The following AHCY variants were observed in gnomAD, a reference collection of about 807,000 sequenced individuals.
AHCY encodes the protein adenosylhomocysteinase, also known as S-adenosyl-L-homocysteine hydrolase.
AHCY carries 24 observed loss-of-function variants against 45.4 expected under a neutral mutation model. The ratio of observed to expected loss-of-function variants is 0.53; its 90% CI spans 0.38 to 0.74. AHCY has a LOEUF of 0.74. AHCY is among the 30% of genes least tolerant of loss of function. The probability of loss-of-function intolerance (pLI) is 0.00; values close to 1 mark genes in which losing one functional copy is unlikely to be tolerated. For missense variants in AHCY, 449 were observed against 594.1 expected (o/e 0.76, Z 2.54); for synonymous variants, 245 against 235.1 (o/e 1.04, Z -0.39).
At chr20:34,246,370 CT>C in the AHCY span, 8 of 1,466,960 alleles carry the variant, frequency 5.5e-6, no homozygotes, top group Non-Finnish European at 7.5e-6. Context: ...GAAAATTCTT[CT>C]CTAACCATTG....
the AHCY span, among the ~76,000 whole-genome samples, chr20:34,235,318 T>C: frequency 6.6e-6 from 1 of 152,148 alleles, no homozygotes; most frequent in Non-Finnish European, 1.5e-5. Context: ...CAGGCACCTG[T>C]AATCCCAGCT....
chr20:34,273,208 C>CCCT, the AHCY span, among the ~76,000 whole-genome samples: 7 of 144,244 alleles, frequency 4.9e-5, no homozygotes, highest in Non-Finnish European at 1.1e-4. Context: ...CACGCATTTG[C>CCCT]CCTTGTGGTG....
chr20:34,310,061 A>AT (rs1242793402), intron 1 of AHCY, among the ~76,000 whole-genome samples: 27 of 148,608 alleles, frequency 1.8e-4, no homozygotes, highest in South Asian at 1.1e-3. Context: ...TGAATGATGA[A>AT]TTTTTTTTTT....
chr20:34,310,375 A>G (rs1230999909), intron 1 of AHCY, among the ~76,000 whole-genome samples: 1 of 152,106 alleles, frequency 6.6e-6, no homozygotes, highest in Admixed American at 6.6e-5. Context: ...TTTTATTTTT[A>G]AGTTTACTAT....
At chr20:34,240,354 T>C in the AHCY span, among the ~76,000 whole-genome samples, 1 of 152,154 alleles carries the variant, frequency 6.6e-6, no homozygotes, top group African/African-American at 2.4e-5. Context: ...TCCCTCCTGG[T>C]CCCTAGACTC....
At chr20:34,247,784 A>G in the AHCY span, among the ~76,000 whole-genome samples, 1 of 152,020 alleles carries the variant, frequency 6.6e-6, no homozygotes, top group Non-Finnish European at 1.5e-5. Context: ...TTTTGTGGAG[A>G]TGAGGTCTTG....
At chr20:34,252,337 C>A in the AHCY span, among the ~76,000 whole-genome samples, 3 of 152,056 alleles carry the variant, frequency 2.0e-5, no homozygotes, top group Non-Finnish European at 4.4e-5. Flanking sequence ...AGCAGGGCAA[C>A]AGGTGGGGAG....
At position 34,295,507 on chromosome 20, in the gene AHCY, C is replaced by T. The variant is rs1568806336; in HGVS notation, c.107G>A (p.Arg36Gln). 4 of 1,614,068 alleles carry T rather than the reference C, an allele frequency of 2.5e-6. No homozygotes were observed. Among genetic ancestry groups the T allele is most frequent in the Middle Eastern group, 1.6e-4 (1 of 6,062 alleles). Residue 36 changes from arginine to glutamine, a missense_variant, in exon 2 of 10, where the codon CGG (arginine) becomes CAG (glutamine). Transcript: ENST00000217426. ...TGGCTTGGAGGCCGAGTACCGCTCC[C>T]GCATACGCATCAGGCCCGGCATCTC... is the stretch of plus-strand genomic sequence containing the variant. ...ENEMPGLMRMRERYSASKPLK... is the reference protein window; with the variant it reads ...ENEMPGLMRMQERYSASKPLK...
At chr20:34,252,351 G>T in the AHCY span, among the ~76,000 whole-genome samples, 5 of 152,186 alleles carry the variant, frequency 3.3e-5, no homozygotes, top group Admixed American at 2.6e-4. Flanking sequence ...TGGGGAGAAG[G>T]TCAGCAGGGA....
the AHCY span, among the ~76,000 whole-genome samples, chr20:34,240,824 C>A: frequency 6.6e-6 from 1 of 152,302 alleles, no homozygotes; most frequent in South Asian, 2.1e-4. Flanking sequence ...CCCTTCCAAT[C>A]CCTTGTAACC....
the AHCY span, among the ~76,000 whole-genome samples, chr20:34,248,620 T>C: frequency 6.6e-6 from 1 of 151,878 alleles, no homozygotes; most frequent in Non-Finnish European, 1.5e-5. Context: ...CTGGGCAACA[T>C]TGTGAGACCT....
chr20:34,264,317 G>A, the AHCY span, among the ~76,000 whole-genome samples: 1,324 of 152,248 alleles, frequency 8.7e-3, 22 homozygotes, highest in African/African-American at 0.03. Flanking sequence ...TTGCCATTGC[G>A]GCATGCTCAG....
the AHCY span, chr20:34,268,883 G>C: frequency 7.1e-7 from 1 of 1,402,076 alleles, no homozygotes; most frequent in Non-Finnish European, 9.7e-7. Flanking sequence ...AAGCCAGCGG[G>C]GAAACCTCTG....
chr20:34,299,376 T>C lies in AHCY; in HGVS notation c.29-3791A>G, dbSNP rs1372995153. Among the ~76,000 whole-genome samples, 5 of 152,212 alleles carry C rather than the reference T, an allele frequency of 3.3e-5. 1 individual carries two copies. Among genetic ancestry groups the C allele is most frequent in the South Asian group, 4.1e-4 (2 of 4,834 alleles). ...TGCATGAATGACTTGCCCTCCTTCC[T>C]GAAACCCTTTCTTTACTTGGCTTCT... On this transcript the variant is annotated intron_variant, in intron 1 of 9. Coordinates refer to ENST00000217426, the MANE Select transcript of AHCY (RefSeq NM_000687.4).
chr20:34,278,450 TCTGGCTTAGAAGAACAG>T (rs1177546074), downstream of AHCY, among the ~76,000 whole-genome samples: 2 of 152,174 alleles, frequency 1.3e-5, no homozygotes, highest in Non-Finnish European at 2.9e-5. Flanking sequence ...GTTCAACCTC[TCTGGCTTAGAAGAACAG>T]CAGCCTCTCC....
At chr20:34,292,263 G>T in intron 4 of AHCY, 95 bp downstream of exon 4, 2 of 1,446,762 alleles carry the variant, frequency 1.4e-6, no homozygotes, top group Non-Finnish European at 9.5e-7. Flanking sequence ...GCTGCTTGAG[G>T]TGATGGGAGT....
chr20:34,299,305 C>G (rs1171020417), intron 1 of AHCY, among the ~76,000 whole-genome samples: 1 of 152,212 alleles, frequency 6.6e-6, no homozygotes, highest in African/African-American at 2.4e-5. Context: ...ATCTCCATAC[C>G]TGATGCAAAA....
At chr20:34,236,578 C>T in the AHCY span, among the ~76,000 whole-genome samples, 21,660 of 151,944 alleles carry the variant, frequency 0.14, 5,237 homozygotes, top group African/African-American at 0.49. Flanking sequence ...CAGCCTGGCA[C>T]AGTGGCTCAC....
the AHCY span, chr20:34,250,055 C>T: frequency 6.6e-6 from 1 of 152,428 alleles, no homozygotes; most frequent in South Asian, 2.1e-4. Context: ...CCAGCTGATA[C>T]TTCTTGATCT....
Sources: allele counts gnomAD v4.1 joint callset (sites outside exome capture counted in the v4.1 genomes callset), GRCh38; gene constraint gnomAD v4.1.1; transcripts MANE v1.5; gene names NCBI Gene and HGNC (gene_info 2026-07-23, HGNC 2026-07-21).